Variants in LRMDA observed in about 807,000 individuals in gnomAD.
LRMDA encodes leucine-rich melanocyte differentiation-associated protein.
A neutral mutation model predicts 29.8 loss-of-function variants in LRMDA; 18 were observed. The observed-to-expected ratio is 0.60, with a 90% CI of 0.42 to 0.90. The LOEUF is 0.90. Among genes scored for constraint, LRMDA ranks in the 40% least tolerant of loss-of-function variants. LRMDA has a pLI of 0.00. For missense variants in LRMDA, 273 were observed against 273.9 expected (o/e 1.00, Z 0.02); for synonymous variants, 125 against 109.4 (o/e 1.14, Z -0.89).
chr10:76,520,621 A>G (rs1022331004), intron 6 of LRMDA, among the ~76,000 whole-genome samples: 1 of 152,174 alleles, frequency 6.6e-6, no homozygotes, highest in African/African-American at 2.4e-5. Context: ...GAAAGGAAAT[A>G]GTTACATTCT....
intron 5 of LRMDA, among the ~76,000 whole-genome samples, chr10:76,180,090 G>A (rs1353381245): frequency 1.3e-5 from 2 of 152,042 alleles, no homozygotes; most frequent in East Asian, 3.9e-4. Context: ...CTACTTATAG[G>A]ATGAAAGTGG....
At chr10:75,783,792 A>T (rs1843425284) in intron 2 of LRMDA, among the ~76,000 whole-genome samples, 1 of 152,234 alleles carries the variant, frequency 6.6e-6, no homozygotes, top group Admixed American at 6.5e-5. Flanking sequence ...GCAAGTGCTC[A>T]ATAAATGTTC....
chr10:76,497,139 A>G lies in LRMDA; in HGVS notation c.602-60070A>G, dbSNP rs1296758676. 6.6e-5 allele frequency among the ~76,000 whole-genome samples: 5 copies of G among 75,934 alleles called. 2 individuals carry two copies. The highest frequency in any genetic ancestry group is 1.6e-4 in the African/African-American group (5 of 31,210). 49.8% of individuals were successfully genotyped at this position (75,934 alleles called of 152,430 possible). A position where few individuals can be genotyped will look rare whatever the true frequency, so the allele number is the denominator to read the frequency against. The stretch of plus-strand genomic sequence containing the variant: ...GCTTTCAAATATCTGTTTTCCCTTC[A>G]CTTACTTCCTTGTTATCTCTTCACT... On this transcript the variant is annotated intron_variant, in intron 6 of 6. Coordinates refer to ENST00000611255, the MANE Select transcript of LRMDA (RefSeq NM_001305581.2).
intron 2 of LRMDA, among the ~76,000 whole-genome samples, chr10:75,724,320 A>C (rs1474040211): frequency 6.6e-6 from 1 of 152,246 alleles, no homozygotes; most frequent in African/African-American, 2.4e-5. Flanking sequence ...TGCCAGCAAA[A>C]CAGGGCTCCC....
chr10:76,372,613 C>CAAAAATAAAATAAAAT (rs1841467308), intron 6 of LRMDA, among the ~76,000 whole-genome samples: 2 of 140,600 alleles, frequency 1.4e-5, no homozygotes, highest in Non-Finnish European at 3.1e-5. Flanking sequence ...GACTTCATCT[C>CAAAAATAAAATAAAAT]AAAAATAAAA....
intron 6 of LRMDA, among the ~76,000 whole-genome samples, chr10:76,381,044 T>C (rs1392065170): frequency 4.1e-5 from 1 of 24,486 alleles, no homozygotes; most frequent in Non-Finnish European, 2.0e-4. Flanking sequence ...TTTTTTGGCT[T>C]GGAATGGCTG....
At position 75,675,040 on chromosome 10, in the gene LRMDA, A is replaced by G. The variant is rs551020614; in HGVS notation, c.131+236546A>G. 4.6e-4 allele frequency among the ~76,000 whole-genome samples: 70 copies of G among 152,300 alleles called. 2 individuals carry two copies. The Middle Eastern group carries it at 0.017, about 37-fold the overall frequency. Reference sequence around the variant, plus strand: ...AATAAATCAATGTTGGTTGGGTTGCAGGTCTGTGTATTGATCAGAGTTTTC... The same window carrying G: ...AATAAATCAATGTTGGTTGGGTTGCGGGTCTGTGTATTGATCAGAGTTTTC... On this transcript the variant is annotated intron_variant, in intron 2 of 6. Coordinates refer to ENST00000611255, the MANE Select transcript of LRMDA (RefSeq NM_001305581.2).
chr10:76,141,822 T>A (rs72815542), intron 5 of LRMDA, among the ~76,000 whole-genome samples: 21,014 of 152,056 alleles, frequency 0.14, 1,622 homozygotes, highest in East Asian at 0.24. Context: ...TGGTTTTTGC[T>A]TTTTATCATC....
intron 6 of LRMDA, among the ~76,000 whole-genome samples, chr10:76,339,673 C>G (rs1841013122): frequency 6.6e-6 from 1 of 151,796 alleles, no homozygotes; most frequent in African/African-American, 2.4e-5. Context: ...TAGAGATTGA[C>G]ATTTAACATT....
At chr10:76,513,121 CTT>C (rs981221923) in intron 6 of LRMDA, among the ~76,000 whole-genome samples, 5 of 152,158 alleles carry the variant, frequency 3.3e-5, no homozygotes, top group South Asian at 2.1e-4. Context: ...TGTTTAAACT[CTT>C]AGGGGAGTTA....
chr10:76,425,141 T>C (rs1842110730), intron 6 of LRMDA, among the ~76,000 whole-genome samples: 1 of 152,206 alleles, frequency 6.6e-6, no homozygotes, highest in African/African-American at 2.4e-5. Flanking sequence ...AGAGTTACCA[T>C]TTCCACTATA....
chr10:75,571,919 A>C (rs551764308), intron 2 of LRMDA, among the ~76,000 whole-genome samples: 1 of 152,140 alleles, frequency 6.6e-6, no homozygotes, highest in East Asian at 1.9e-4. Flanking sequence ...GATCTAGAAT[A>C]CTTTATTTTT....
intron 5 of LRMDA, among the ~76,000 whole-genome samples, chr10:76,071,948 T>A (rs1048862302): frequency 3.3e-5 from 5 of 152,224 alleles, no homozygotes; most frequent in Admixed American, 6.5e-5. Context: ...TTAAATATGA[T>A]ATGAATGCAG....
rs1236601119 is a variant in LRMDA, at chr10:76,557,299, T to A, written c.*11T>A. The stretch of plus-strand genomic sequence containing the variant: ...GATGACCAGCTCTGAAGCCAACTTC[T>A]GTATACCTTCACCCATTTCATGAAA... On this transcript the variant is annotated 3_prime_UTR_variant, in exon 7 of 7. Transcript: ENST00000611255. The A allele has an allele frequency of 6.3e-7, 1 of 1,596,704 alleles. No individual in the cohort carries two copies. The highest frequency in any genetic ancestry group is 1.3e-5 in the African/African-American group (1 of 74,554).
chr10:75,793,668 C>T (rs895941342), intron 2 of LRMDA, among the ~76,000 whole-genome samples: 65 of 152,244 alleles, frequency 4.3e-4, no homozygotes, highest in African/African-American at 1.5e-3. Flanking sequence ...GTAATCATAT[C>T]ACTGAGTTGT....
intron 2 of LRMDA, among the ~76,000 whole-genome samples, chr10:75,849,467 G>A (rs779266683): frequency 2.6e-5 from 4 of 152,070 alleles, no homozygotes; most frequent in African/African-American, 4.8e-5. Flanking sequence ...CATGGATGGA[G>A]CTGGAAGCCA....
At chr10:76,281,935 C>G (rs1457138275) in intron 5 of LRMDA, among the ~76,000 whole-genome samples, 1 of 152,184 alleles carries the variant, frequency 6.6e-6, no homozygotes, top group African/African-American at 2.4e-5. Flanking sequence ...CAAGAACCAT[C>G]CAGCCCCATT....
At chr10:76,240,592 G>T (rs1852255234) in intron 5 of LRMDA, among the ~76,000 whole-genome samples, 1 of 150,506 alleles carries the variant, frequency 6.6e-6, no homozygotes, top group Non-Finnish European at 1.5e-5. Context: ...ACTAAAAGTA[G>T]ATCTACCATT....
intron 2 of LRMDA, among the ~76,000 whole-genome samples, chr10:76,030,812 G>A (rs1848136679): frequency 6.6e-6 from 1 of 152,122 alleles, no homozygotes; most frequent in African/African-American, 2.4e-5. Flanking sequence ...TGACTGTGCT[G>A]CCACTGGACC....
Sources: allele counts gnomAD v4.1 joint callset (sites outside exome capture counted in the v4.1 genomes callset), GRCh38; gene constraint gnomAD v4.1.1; transcripts MANE v1.5; gene names NCBI Gene and HGNC (gene_info 2026-07-23, HGNC 2026-07-21).